The following ARMH4 variants were observed in gnomAD, a reference collection of about 807,000 sequenced individuals.
ARMH4 encodes the protein armadillo like helical domain containing 4, also known as armadillo-like helical domain-containing protein 4.
ARMH4 carries 49 observed loss-of-function variants against 61.9 expected under a neutral mutation model. That is an observed-to-expected ratio of 0.79 (90% confidence interval 0.63 to 1.00). The LOEUF is 1.00. Among genes scored for constraint, ARMH4 ranks in the 50% least tolerant of loss-of-function variants. The probability of loss-of-function intolerance (pLI) is 0.00; values close to 1 mark genes in which losing one functional copy is unlikely to be tolerated. For synonymous variants in ARMH4, 368 were observed against 341.5 expected, an observed-to-expected ratio of 1.08 and a Z score of -0.85; for missense variants, 934 against 930.0, an observed-to-expected ratio of 1.00 and a Z score of -0.06.
chr14:58,001,128 T>G lies in ARMH4; in HGVS notation c.*3608A>C, dbSNP rs1307922847. ...CATGCATTTGTCCTTCTGTCACTAG[T>G]TTATTTCACTTAGCATAATGTTCTC... On this transcript the variant is annotated 3_prime_UTR_variant, in exon 8 of 8. Coordinates refer to ENST00000267485, the MANE Select transcript of ARMH4 (RefSeq NM_001001872.4). The G allele has an allele frequency of 6.6e-6, 1 of 152,210 alleles. No individual in the cohort carries two copies. Among genetic ancestry groups the G allele is most frequent in the Non-Finnish European group, 1.5e-5 (1 of 68,046 alleles). 9.4% of individuals were successfully genotyped at this position (152,210 alleles called of 1,614,324 possible).
At chr14:58,018,196 T>C (rs1030938535) in intron 5 of ARMH4, among the ~76,000 whole-genome samples, 9 of 152,158 alleles carry the variant, frequency 5.9e-5, no homozygotes, top group African/African-American at 2.2e-4. Context: ...GGGAAAATCT[T>C]TATGACACTG....
At chr14:58,080,136 A>AT (rs1381537817) in intron 5 of ARMH4, among the ~76,000 whole-genome samples, 3 of 146,668 alleles carry the variant, frequency 2.0e-5, no homozygotes, top group African/African-American at 2.5e-5. Context: ...TATATATAAA[A>AT]TTTTTTTTTT....
intron 5 of ARMH4, among the ~76,000 whole-genome samples, chr14:58,069,347 T>C (rs761859326): frequency 3.9e-5 from 6 of 152,234 alleles, no homozygotes; most frequent in Non-Finnish European, 8.8e-5. Flanking sequence ...CAACCATGAA[T>C]ATGGCATAAA....
intron 4 of ARMH4, among the ~76,000 whole-genome samples, chr14:58,105,028 G>A (rs1257685022): frequency 6.6e-6 from 1 of 152,152 alleles, no homozygotes; most frequent in Non-Finnish European, 1.5e-5. Context: ...AAACTGAAGA[G>A]AAAGTCATCT....
At chr14:58,005,443 A>G (rs1882131933) in intron 6 of ARMH4, among the ~76,000 whole-genome samples, 1 of 152,236 alleles carries the variant, frequency 6.6e-6, no homozygotes, top group African/African-American at 2.4e-5. Context: ...TCCAGCCACT[A>G]GCTTATGCAC....
chr14:58,088,456 G>GAAA (rs201441722), intron 5 of ARMH4, among the ~76,000 whole-genome samples: 40 of 140,432 alleles, frequency 2.8e-4, no homozygotes, highest in African/African-American at 9.1e-4. Flanking sequence ...TAGCTAATGT[G>GAAA]AAAAAAAAAA....
intron 1 of ARMH4, among the ~76,000 whole-genome samples, chr14:58,147,431 C>T (rs1366497207): frequency 6.6e-6 from 1 of 151,892 alleles, no homozygotes; most frequent in Non-Finnish European, 1.5e-5. Flanking sequence ...TATCCTGCCT[C>T]AGCCTCCTGA....
rs572140620 is a variant in ARMH4 at position 58,002,471 on chromosome 14, G to A, written c.*2265C>T. ...CGGACCTCTGAGAAATGAAAATATG[G>A]GTCTGTTATTTGGGAATTTATTACA... On this transcript the variant is annotated 3_prime_UTR_variant, in exon 8 of 8. Coordinates refer to ENST00000267485, the MANE Select transcript of ARMH4 (RefSeq NM_001001872.4). The A allele has an allele frequency of 2.2e-4, 34 of 152,086 alleles. No individual in the cohort carries two copies. Among genetic ancestry groups the A allele is most frequent in the Middle Eastern group, 3.4e-3 (1 of 294 alleles). The allele number at this position is 152,086 out of a possible 1,614,324, so 9.4% of individuals were successfully genotyped here.
chr14:58,138,886 T>C lies in ARMH4; in HGVS notation c.473A>G (p.Asp158Gly), dbSNP rs1887424526. The change falls in exon 2 of 8, where the codon GAT becomes GGT. Residue 158 changes from aspartate (D) to glycine (G), a missense_variant. Physicochemically the swap from Asp to Gly is moderately conservative, Grantham distance 94. Coordinates refer to ENST00000267485, the MANE Select transcript of ARMH4 (RefSeq NM_001001872.4). Reference protein sequence around the residue: ...AITATPSLTVDEKEELLTSTN... With the variant: ...AITATPSLTVGEKEELLTSTN... Reference sequence around the variant, plus strand: ...GCTTGTAAGGAGTTCCTCCTTTTCATCAACAGTCAGAGAAGGAGTCGCAGT... The same window carrying C: ...GCTTGTAAGGAGTTCCTCCTTTTCACCAACAGTCAGAGAAGGAGTCGCAGT... The C allele has an allele frequency of 6.2e-7, 1 of 1,614,220 alleles. No homozygotes were observed. Among genetic ancestry groups the C allele is most frequent in the African/African-American group, 1.3e-5 (1 of 75,062 alleles).
chr14:58,094,045 T>A (rs1320827313), intron 5 of ARMH4, among the ~76,000 whole-genome samples: 3 of 152,176 alleles, frequency 2.0e-5, no homozygotes, highest in African/African-American at 7.2e-5. Context: ...AAACTTAAGC[T>A]GTGGCTGGGC....
At chr14:58,094,454 G>A (rs1411810888) in intron 5 of ARMH4, among the ~76,000 whole-genome samples, 1 of 151,878 alleles carries the variant, frequency 6.6e-6, no homozygotes, top group African/African-American at 2.4e-5. Context: ...ACTGCTATTA[G>A]CCAAAACAGG....
At chr14:58,030,458 C>T (rs918129427) in intron 5 of ARMH4, among the ~76,000 whole-genome samples, 6 of 152,130 alleles carry the variant, frequency 3.9e-5, no homozygotes, top group Admixed American at 1.3e-4. Context: ...ATTTTTTTAT[C>T]GTGGTAATAT....
intron 4 of ARMH4, 57 bp downstream of exon 4, chr14:58,131,455 T>C (rs1223091412): frequency 4.3e-6 from 6 of 1,383,034 alleles, no homozygotes; most frequent in African/African-American, 2.9e-5. Context: ...TCAAAAACAT[T>C]TGCTCAGTGA....
chr14:58,117,293 C>T (rs1475107179), intron 4 of ARMH4, among the ~76,000 whole-genome samples: 2 of 152,160 alleles, frequency 1.3e-5, no homozygotes, highest in African/African-American at 4.8e-5. Context: ...TCTTTTTCTT[C>T]AGCTAATTAG....
chr14:58,140,591 A>G (rs1887507053), intron 1 of ARMH4, among the ~76,000 whole-genome samples: 2 of 151,234 alleles, frequency 1.3e-5, no homozygotes, highest in South Asian at 4.2e-4. Flanking sequence ...AAATAAATAA[A>G]TAAATAAATA....
chr14:58,133,421 T>A (rs1887194769), intron 2 of ARMH4, 80 bp from the exon 3 acceptor site: 16 of 1,179,234 alleles, frequency 1.4e-5, no homozygotes, highest in African/African-American at 4.8e-5. Flanking sequence ...GATTAAAAAC[T>A]TGGGGGGAGG....
intron 5 of ARMH4, among the ~76,000 whole-genome samples, chr14:58,071,400 A>AC (rs1337865802): frequency 6.6e-6 from 1 of 152,104 alleles, no homozygotes; most frequent in Non-Finnish European, 1.5e-5. Flanking sequence ...TAGAGCAAAT[A>AC]CCGATAGAAT....
At chr14:58,145,760 C>T (rs989688964) in intron 1 of ARMH4, among the ~76,000 whole-genome samples, 3 of 152,192 alleles carry the variant, frequency 2.0e-5, no homozygotes, top group African/African-American at 7.2e-5. Context: ...TTTTCAAAGG[C>T]ATTGATGAAA....
At chr14:58,019,517 C>T (rs963766224) in intron 5 of ARMH4, among the ~76,000 whole-genome samples, 8 of 152,148 alleles carry the variant, frequency 5.3e-5, no homozygotes, top group Non-Finnish European at 1.5e-5. Context: ...AGCAACTTGC[C>T]ACTCTCCTAG....
Sources: gnomAD v4.1 joint callset for allele counts (sites outside exome capture counted in the v4.1 genomes callset) on GRCh38, gnomAD v4.1.1 for gene constraint, MANE v1.5 for transcripts, NCBI Gene and HGNC (gene_info 2026-07-23, HGNC 2026-07-21) for gene names.